Variants in UHRF2 observed in about 807,000 individuals in gnomAD.
UHRF2 encodes the protein E3 ubiquitin-protein ligase UHRF2.
UHRF2 carries 23 observed loss-of-function variants against 96.8 expected under a neutral mutation model. The ratio of observed to expected loss-of-function variants is 0.24; its 90% confidence interval spans 0.17 to 0.34. The LOEUF (loss-of-function observed/expected upper bound fraction) is 0.34, where lower values mean the gene tolerates loss of function less well. Among genes scored for constraint, UHRF2 ranks in the 10% least tolerant of loss-of-function variants. UHRF2 has a pLI of 1.00. For missense variants in UHRF2, 685 were observed against 981.5 expected (o/e 0.70, Z 4.04); for synonymous variants, 385 against 332.6 (o/e 1.16, Z -1.72).
chr9:6,461,762 G>GA (rs1300174684), intron 4 of UHRF2, among the ~76,000 whole-genome samples: 2 of 152,014 alleles, frequency 1.3e-5, no homozygotes, highest in Non-Finnish European at 2.9e-5. Context: ...TTACACTTTG[G>GA]AAAACATTAT....
At chr9:6,469,508 C>T (rs986788786) in intron 4 of UHRF2, among the ~76,000 whole-genome samples, 1 of 151,494 alleles carries the variant, frequency 6.6e-6, no homozygotes, top group Admixed American at 6.6e-5. Context: ...CAGAGCGAGA[C>T]TCTGTCTCAA....
At chr9:6,485,775 G>T (rs1824239358) in intron 8 of UHRF2, among the ~76,000 whole-genome samples, 2 of 126,510 alleles carry the variant, frequency 1.6e-5, no homozygotes, top group Non-Finnish European at 3.1e-5. Context: ...ACCAGCCTGG[G>T]CAACATGGTG....
intron 3 of UHRF2, among the ~76,000 whole-genome samples, chr9:6,435,294 G>A (rs575020572): frequency 1.1e-4 from 16 of 151,742 alleles, no homozygotes; most frequent in Admixed American, 2.6e-4. Context: ...ACACCTGGCC[G>A]GCTAATTTTT....
chr9:6,489,385 GT>G (rs1471787125), intron 9 of UHRF2, among the ~76,000 whole-genome samples: 1 of 152,198 alleles, frequency 6.6e-6, no homozygotes, highest in Admixed American at 6.6e-5. Context: ...TTGTGAACAG[GT>G]TTTTTGTAAA....
At chr9:6,495,946 T>C (rs965050738) in intron 10 of UHRF2, 17 of 152,122 alleles carry the variant, frequency 1.1e-4, no homozygotes, top group African/African-American at 4.1e-4. Context: ...CTAGAGTTGA[T>C]GGCTGTGTTT....
In UHRF2 at chr9:6,432,661, C is replaced by T. The variant is rs552913970; in HGVS notation, c.385-1253C>T. Among the ~76,000 whole-genome samples, 16 of 152,298 alleles carry T rather than the reference C, an allele frequency of 1.1e-4. No individual in the cohort carries two copies. In the East Asian group the frequency reaches 3.1e-3, roughly 29 times the overall value. ...ATCTGGCATACTGATATTTAACTTACTTCTCCCACGAGGTATGCCATCTAT... is the reference window on the plus strand; with the variant it reads ...ATCTGGCATACTGATATTTAACTTATTTCTCCCACGAGGTATGCCATCTAT... On this transcript the variant is annotated intron_variant, in intron 2 of 15. Coordinates refer to ENST00000276893, the MANE Select transcript of UHRF2 (RefSeq NM_152896.3).
At chr9:6,446,092 A>G (rs1821485265) in intron 3 of UHRF2, among the ~76,000 whole-genome samples, 1 of 147,908 alleles carries the variant, frequency 6.8e-6, no homozygotes. Flanking sequence ...TCCCTGGCTC[A>G]GGTGATCCTC....
rs527792320 is a variant in UHRF2 at position 6,434,286 on chromosome 9, T to C, written c.644+113T>C. ...TTCTGAAGAAATCCTTTAGAGGTTA[T>C]GTTCATTTGTTACTTTTTGGTTTTG... On this transcript the variant is annotated intron_variant, in intron 3 of 15. Transcript: ENST00000276893. 1.1e-5 allele frequency: 14 copies of C among 1,322,350 alleles called. No homozygotes were observed. The South Asian group carries it at 1.8e-4, about 17-fold the overall frequency. The allele number at this position is 1,322,350 out of a possible 1,614,324, so 81.9% of individuals were successfully genotyped here.
At chr9:6,422,254 A>G (rs1337826454) in intron 2 of UHRF2, among the ~76,000 whole-genome samples, 2 of 152,020 alleles carry the variant, frequency 1.3e-5, no homozygotes, top group Non-Finnish European at 1.5e-5. Flanking sequence ...GCTAATTTTT[A>G]TATTTCCAGT....
intron 4 of UHRF2, among the ~76,000 whole-genome samples, chr9:6,469,105 CTG>C (rs1304057309): frequency 1.3e-5 from 2 of 152,154 alleles, no homozygotes; most frequent in African/African-American, 2.4e-5. Flanking sequence ...TTTCAAGTAA[CTG>C]TGATTAATAT....
chr9:6,465,342 T>G (rs76552338), intron 4 of UHRF2, among the ~76,000 whole-genome samples: 16,699 of 152,238 alleles, frequency 0.11, 1,263 homozygotes, highest in East Asian at 0.27. Flanking sequence ...ACAAAATAAT[T>G]TGGAATCTTC....
At position 6,506,334 on chromosome 9, in the gene UHRF2, A is replaced by T; in HGVS notation, c.*155A>T. ...ATAGCCATCATCTTGTGTGTGTAGT[A>T]AGAGGCCCATTTCTCAACTGTCTTT... is the stretch of plus-strand genomic sequence containing the variant. On this transcript the variant is annotated 3_prime_UTR_variant, in exon 16 of 16. Transcript: ENST00000276893. 1.1e-6 allele frequency: 1 copy of T among 923,146 alleles called. No individual in the cohort carries two copies. The highest frequency in any genetic ancestry group is 1.6e-6 in the Non-Finnish European group (1 of 637,150). 57.2% of individuals were successfully genotyped at this position (923,146 alleles called of 1,614,324 possible).
chr9:6,421,693 C>T (rs985842461), intron 2 of UHRF2, among the ~76,000 whole-genome samples: 5 of 152,180 alleles, frequency 3.3e-5, no homozygotes, highest in South Asian at 2.1e-4. Flanking sequence ...CTGGAATTAC[C>T]GGGGTGAGCC....
At chr9:6,485,803 C>CAAAA (rs57868028) in intron 8 of UHRF2, among the ~76,000 whole-genome samples, 47 of 59,206 alleles carry the variant, frequency 7.9e-4, no homozygotes, top group African/African-American at 2.0e-3. Context: ...TGTCTCTACC[C>CAAAA]AAAAAAAAAA....
chr9:6,496,045 A>G (rs547353167), intron 10 of UHRF2: 2 of 152,224 alleles, frequency 1.3e-5, no homozygotes, highest in African/African-American at 4.8e-5. Flanking sequence ...GACCACAGCT[A>G]TATAAGTTAT....
chr9:6,437,977 TTCC>T (rs1820951846), intron 3 of UHRF2, among the ~76,000 whole-genome samples: 2 of 152,176 alleles, frequency 1.3e-5, no homozygotes, highest in African/African-American at 4.8e-5. Context: ...GGACTGGCTA[TTCC>T]CTACTAGGAA....
chr9:6,450,445 A>C (rs1821791262), intron 3 of UHRF2, among the ~76,000 whole-genome samples: 1 of 152,150 alleles, frequency 6.6e-6, no homozygotes, highest in Non-Finnish European at 1.5e-5. Context: ...GCTAATAATT[A>C]AAGTTTAATT....
chr9:6,427,075 G>A (rs549619228), intron 2 of UHRF2, among the ~76,000 whole-genome samples: 26 of 152,078 alleles, frequency 1.7e-4, no homozygotes, highest in Non-Finnish European at 3.4e-4. Context: ...TATTTGCATT[G>A]GGTTTTTTGT....
rs186881839 is a variant in UHRF2 at position 6,433,670 on chromosome 9, G to C, written c.385-244G>C. 1.5e-3 allele frequency among the ~76,000 whole-genome samples: 226 copies of C among 152,272 alleles called. 2 individuals are homozygous for C. The highest frequency in any genetic ancestry group is 5.2e-3 in the African/African-American group (215 of 41,540). ...AGTCTAGTGTATACGTCAGTAAGGC[G>C]TAAAGAAAACACCTATTTCATTGAA... On this transcript the variant is annotated intron_variant, in intron 2 of 15. Coordinates refer to ENST00000276893, the MANE Select transcript of UHRF2 (RefSeq NM_152896.3).
Sources: allele counts gnomAD v4.1 joint callset (sites outside exome capture counted in the v4.1 genomes callset), GRCh38; gene constraint gnomAD v4.1.1; transcripts MANE v1.5; gene names NCBI Gene and HGNC (gene_info 2026-07-23, HGNC 2026-07-21).